SSTR4: variants seen among roughly 807,000 people sequenced by gnomAD.
SSTR4 encodes the protein somatostatin receptor 4.
For synonymous variants in SSTR4, 272 were observed against 246.3 expected (o/e 1.10, Z -0.98); for missense variants, 649 against 540.6 (o/e 1.20, Z -1.99).
Position 23,036,925 on chromosome 20 carries a change from G to T in SSTR4, c.*275G>T, listed in dbSNP as rs1984346964. ...CCTGAACCTCTGGCTGTTCTTCAAG[G>T]GCTGGGAAGCAGGAGGTGGTGAGAA... On this transcript the variant is annotated 3_prime_UTR_variant, in exon 1 of 1. Coordinates refer to ENST00000255008, the MANE Select transcript of SSTR4 (RefSeq NM_001052.4). 1 of 422,034 alleles carries T rather than the reference G, an allele frequency of 2.4e-6. No individual in the cohort carries two copies. Among genetic ancestry groups the T allele is most frequent in the Non-Finnish European group, 4.2e-6 (1 of 239,696 alleles). The allele number at this position is 422,034 out of a possible 1,614,324, so 26.1% of individuals were successfully genotyped here. A position where few individuals can be genotyped will look rare whatever the true frequency, so the allele number is the denominator to read the frequency against.
In SSTR4 at chr20:23,035,318, G is replaced by A; in HGVS notation, c.-166G>A. The A allele has an allele frequency of 4.4e-6, 2 of 453,186 alleles. No individual in the cohort carries two copies. The highest frequency in any genetic ancestry group is 6.7e-6 in the Non-Finnish European group (2 of 297,912). The allele number at this position is 453,186 out of a possible 1,614,324, so 28.1% of individuals were successfully genotyped here. A position where few individuals can be genotyped will look rare whatever the true frequency, so the allele number is the denominator to read the frequency against. On this transcript the variant is annotated 5_prime_UTR_variant, in exon 1 of 1. Transcript: ENST00000255008. Reference sequence around the variant, plus strand: ...GTCGGGCGCCCGCGCGGTGGGGCGCGCGGCGCGGGGATTGGCGGGCGCTCC... The same window carrying A: ...GTCGGGCGCCCGCGCGGTGGGGCGCACGGCGCGGGGATTGGCGGGCGCTCC...
Position 23,036,508 on chromosome 20 carries a change from A to G in SSTR4, c.1025A>G (p.Glu342Gly), listed in dbSNP as rs750517690. The change falls in exon 1 of 1, where the codon GAG becomes GGG. Residue 342 changes from glutamate (E) to glycine (G), a missense_variant. Transcript: ENST00000255008. ...GAAGGTGCTGGAGGTGCTGAGGAGG[A>G]GCCCCTGGACTACTATGCCACTGCT... ...LLEGAGGAEE[E>G]PLDYYATALK... 23 of 1,613,686 alleles carry G rather than the reference A, an allele frequency of 1.4e-5. No individual in the cohort carries two copies. The highest frequency in any genetic ancestry group is 1.7e-4 in the Middle Eastern group (1 of 6,060).
Position 23,036,276 on chromosome 20 carries a change from G to T in SSTR4, c.793G>T (p.Val265Leu). ...AATCACCAGGCTGGTGCTGATGGTC[G>T]TGGTCGTCTTTGTGCTCTGCTGGAT... ...KKITRLVLMV[V>L]VVFVLCWMPF... The change falls in exon 1 of 1, where the codon GTG becomes TTG. Residue 265 changes from valine to leucine, a missense_variant. Coordinates refer to ENST00000255008, the MANE Select transcript of SSTR4 (RefSeq NM_001052.4). The T allele has an allele frequency of 6.2e-7, 1 of 1,614,168 alleles. No homozygotes were observed. The highest frequency in any genetic ancestry group is 8.5e-7 in the Non-Finnish European group (1 of 1,180,028).
In SSTR4 at chr20:23,035,843, C is replaced by A; in HGVS notation, c.360C>A (p.Arg120=). The change falls in exon 1 of 1, where the codon CGC becomes CGA. Residue 120 remains arginine, a synonymous_variant. Transcript: ENST00000255008. ...RHWPFGSVLC[R]AVLSVDGLNM... is the part of the protein sequence containing the mutation. ...GGCCCTTCGGCTCCGTGCTGTGCCG[C>A]GCGGTGCTCAGCGTCGACGGCCTCA... 6.2e-7 allele frequency: 1 copy of A among 1,601,718 alleles called. No individual in the cohort carries two copies. The highest frequency in any genetic ancestry group is 8.5e-7 in the Non-Finnish European group (1 of 1,174,150).
At position 23,035,652 on chromosome 20, in the gene SSTR4, G is replaced by A. The variant is rs772783799; in HGVS notation, c.169G>A (p.Val57Met). Reference sequence around the variant, plus strand: ...CGCTATCCAGTGCATCTACGCGCTGGTGTGCCTGGTGGGGCTGGTGGGCAA... The same window carrying A: ...CGCTATCCAGTGCATCTACGCGCTGATGTGCCTGGTGGGGCTGGTGGGCAA... Reference protein sequence around the residue: ...MVAIQCIYALVCLVGLVGNAL... With the variant: ...MVAIQCIYALMCLVGLVGNAL... The change falls in exon 1 of 1, where the codon GTG (valine) becomes ATG (methionine). Residue 57 changes from valine to methionine, a missense_variant. Val to Met is a conservative substitution (Grantham distance 21, BLOSUM62 1). Transcript: ENST00000255008. 2 of 1,540,578 alleles carry A rather than the reference G, an allele frequency of 1.3e-6. No individual in the cohort carries two copies. Among genetic ancestry groups the A allele is most frequent in the African/African-American group, 1.4e-5 (1 of 72,486 alleles).
rs1984375851 is a variant in SSTR4, at chr20:23,038,094, C to G, written c.*1444C>G. 6.6e-6 allele frequency: 1 copy of G among 152,216 alleles called. No homozygotes were observed. The highest frequency in any genetic ancestry group is 2.4e-5 in the African/African-American group (1 of 41,446). The allele number at this position is 152,216 out of a possible 1,614,324, so 9.4% of individuals were successfully genotyped here. A position where few individuals can be genotyped will look rare whatever the true frequency, so the allele number is the denominator to read the frequency against. On this transcript the variant is annotated 3_prime_UTR_variant, in exon 1 of 1. Coordinates refer to ENST00000255008, the MANE Select transcript of SSTR4 (RefSeq NM_001052.4). Reference sequence around the variant, plus strand: ...ACATGCACACACACAGAGACATCAACCATCTCTAATTTGTTGGCACCCACC... The same window carrying G: ...ACATGCACACACACAGAGACATCAAGCATCTCTAATTTGTTGGCACCCACC...
In SSTR4 at chr20:23,037,162, C is replaced by T. The variant is rs1984353579; in HGVS notation, c.*512C>T. On this transcript the variant is annotated 3_prime_UTR_variant, in exon 1 of 1. Transcript: ENST00000255008. ...TGTTAAGTGAGACTTATGTTAACAGCCTGGGGCACTTACTTCCCTCCCCAC... is the reference window on the plus strand; with the variant it reads ...TGTTAAGTGAGACTTATGTTAACAGTCTGGGGCACTTACTTCCCTCCCCAC... The T allele has an allele frequency of 6.5e-6, 1 of 154,322 alleles. No homozygotes were observed. The highest frequency in any genetic ancestry group is 1.4e-5 in the Non-Finnish European group (1 of 69,696). The allele number at this position is 154,322 out of a possible 1,614,324, so 9.6% of individuals were successfully genotyped here. A position where few individuals can be genotyped will look rare whatever the true frequency, so the allele number is the denominator to read the frequency against.
chr20:23,036,743 C>A lies in SSTR4; in HGVS notation c.*93C>A. ...AAGACTGCATCTCCTGAATGCTCACCTAAGCTCCACCACCTGTTCCTTCCA... is the reference window on the plus strand; with the variant it reads ...AAGACTGCATCTCCTGAATGCTCACATAAGCTCCACCACCTGTTCCTTCCA... On this transcript the variant is annotated 3_prime_UTR_variant, in exon 1 of 1. Coordinates refer to ENST00000255008, the MANE Select transcript of SSTR4 (RefSeq NM_001052.4). 1 of 1,382,728 alleles carries A rather than the reference C, an allele frequency of 7.2e-7. No individual in the cohort carries two copies. The highest frequency in any genetic ancestry group is 9.8e-7 in the Non-Finnish European group (1 of 1,017,586). 85.7% of individuals were successfully genotyped at this position (1,382,728 alleles called of 1,614,324 possible).
At position 23,036,490 on chromosome 20, in the gene SSTR4, C is replaced by G; in HGVS notation, c.1007C>G (p.Ala336Gly). The change falls in exon 1 of 1, where the codon GCT becomes GGT. Residue 336 changes from alanine (A) to glycine (G), a missense_variant. Ala to Gly is a moderately conservative substitution (Grantham distance 60, BLOSUM62 0). Coordinates refer to ENST00000255008, the MANE Select transcript of SSTR4 (RefSeq NM_001052.4). Reference protein sequence around the residue: ...LCLRCCLLEGAGGAEEEPLDY... With the variant: ...LCLRCCLLEGGGGAEEEPLDY... ...CTGCGCTGCTGCCTCCTGGAAGGTGCTGGAGGTGCTGAGGAGGAGCCCCTG... is the reference window on the plus strand; with the variant it reads ...CTGCGCTGCTGCCTCCTGGAAGGTGGTGGAGGTGCTGAGGAGGAGCCCCTG... The G allele has an allele frequency of 1.2e-6, 2 of 1,613,814 alleles. No homozygotes were observed. The highest frequency in any genetic ancestry group is 1.7e-6 in the Non-Finnish European group (2 of 1,179,832).
At position 23,035,399 on chromosome 20, in the gene SSTR4, C is replaced by A; in HGVS notation, c.-85C>A. Reference sequence around the variant, plus strand: ...GAAGAGCCGCGCGTCTGCGCGCCAGCCCCCGCCCTGGGCCCGCCGCCCGAG... The same window carrying A: ...GAAGAGCCGCGCGTCTGCGCGCCAGACCCCGCCCTGGGCCCGCCGCCCGAG... On this transcript the variant is annotated 5_prime_UTR_variant, in exon 1 of 1. Coordinates refer to ENST00000255008, the MANE Select transcript of SSTR4 (RefSeq NM_001052.4). 1 of 1,052,332 alleles carries A rather than the reference C, an allele frequency of 9.5e-7. No homozygotes were observed. Among genetic ancestry groups the A allele is most frequent in the Non-Finnish European group, 1.2e-6 (1 of 826,306 alleles). 65.2% of individuals were successfully genotyped at this position (1,052,332 alleles called of 1,614,324 possible).
Position 23,035,493 on chromosome 20 carries a change from C to G in SSTR4, c.10C>G (p.Pro4Ala). Reference sequence around the variant, plus strand: ...GCCGGCACCCCTGGTCATGAGCGCCCCCTCGACGCTGCCCCCCGGGGGCGA... The same window carrying G: ...GCCGGCACCCCTGGTCATGAGCGCCGCCTCGACGCTGCCCCCCGGGGGCGA... MSA[P>A]STLPPGGEEG... Residue 4 changes from proline (P) to alanine (A), a missense_variant, in exon 1 of 1, where the codon CCC becomes GCC. By Grantham distance (27) the Pro-to-Ala change is conservative. Transcript: ENST00000255008. 1 of 1,540,630 alleles carries G rather than the reference C, an allele frequency of 6.5e-7. No individual in the cohort carries two copies. Among genetic ancestry groups the G allele is most frequent in the Non-Finnish European group, 8.7e-7 (1 of 1,151,418 alleles).
chr20:23,037,881 G>A lies in SSTR4; in HGVS notation c.*1231G>A, dbSNP rs1471966933. Among the ~76,000 whole-genome samples the A allele has an allele frequency of 1.3e-5, 2 of 152,156 alleles. No homozygotes were observed. On this transcript the variant is annotated 3_prime_UTR_variant, in exon 1 of 1. Transcript: ENST00000255008. ...CTGATTCTGGATGATCATTCTGGTG[G>A]TATGGGGAAGATGGTGTGGGGAGGG...
chr20:23,036,644 C>G lies in SSTR4; in HGVS notation c.1161C>G (p.Thr387=). Residue 387 remains threonine, a synonymous_variant, in exon 1 of 1, where the codon ACC becomes ACG. Transcript: ENST00000255008. ...GCATCCCCCTCACCAGGACCACCACCTTCTGAGGAGCCCTTCCCCTACCCA... is the reference window on the plus strand; with the variant it reads ...GCATCCCCCTCACCAGGACCACCACGTTCTGAGGAGCCCTTCCCCTACCCA... ...RKRIPLTRTT[T]F is the part of the protein sequence containing the mutation. 1 of 1,541,096 alleles carries G rather than the reference C, an allele frequency of 6.5e-7. No homozygotes were observed. Among genetic ancestry groups the G allele is most frequent in the Non-Finnish European group, 8.7e-7 (1 of 1,145,320 alleles).
At position 23,036,546 on chromosome 20, in the gene SSTR4, G is replaced by A. The variant is rs149230211; in HGVS notation, c.1063G>A (p.Gly355Ser). The change falls in exon 1 of 1, where the codon GGT (glycine) becomes AGT (serine). Residue 355 changes from glycine (G) to serine (S), a missense_variant. Transcript: ENST00000255008. The stretch of plus-strand genomic sequence containing the variant: ...CTATGCCACTGCTCTCAAGAGCAAA[G>A]GTGGGGCAGGGTGCATGTGCCCCCC... ...DYYATALKSK[G>S]GAGCMCPPLP... The A allele has an allele frequency of 1.9e-6, 3 of 1,612,648 alleles. No homozygotes were observed. Among genetic ancestry groups the A allele is most frequent in the Non-Finnish European group, 2.5e-6 (3 of 1,179,530 alleles).
chr20:23,035,842 G>T lies in SSTR4; in HGVS notation c.359G>T (p.Arg120Leu), dbSNP rs753969264. The T allele has an allele frequency of 6.2e-7, 1 of 1,601,242 alleles. No individual in the cohort carries two copies. Among genetic ancestry groups the T allele is most frequent in the African/African-American group, 1.3e-5 (1 of 74,738 alleles). ...RHWPFGSVLC[R>L]AVLSVDGLNM... ...TGGCCCTTCGGCTCCGTGCTGTGCC[G>T]CGCGGTGCTCAGCGTCGACGGCCTC... Residue 120 changes from arginine to leucine, a missense_variant, in exon 1 of 1, where the codon CGC (arginine) becomes CTC (leucine). Transcript: ENST00000255008.
In SSTR4 at chr20:23,035,588, G is replaced by T; in HGVS notation, c.105G>T (p.Ala35=). 6.4e-7 allele frequency: 1 copy of T among 1,569,218 alleles called. No homozygotes were observed. Among genetic ancestry groups the T allele is most frequent in the Non-Finnish European group, 8.6e-7 (1 of 1,161,056 alleles). The change falls in exon 1 of 1, where the codon GCG becomes GCT. Residue 35 remains alanine (A), a synonymous_variant. Coordinates refer to ENST00000255008, the MANE Select transcript of SSTR4 (RefSeq NM_001052.4). ...ASSAPAEAEE[A]VAGPGDARAA... The stretch of plus-strand genomic sequence containing the variant: ...GCGCTCCGGCGGAGGCGGAGGAGGC[G>T]GTGGCGGGGCCCGGGGACGCGCGGG...
Position 23,036,941 on chromosome 20 carries a change from G to A in SSTR4, c.*291G>A, listed in dbSNP as rs1287291348. On this transcript the variant is annotated 3_prime_UTR_variant, in exon 1 of 1. Transcript: ENST00000255008. ...TTCTTCAAGGGCTGGGAAGCAGGAG[G>A]TGGTGAGAAATGAATGGTCCCTGTG... 2.4e-6 allele frequency: 1 copy of A among 411,010 alleles called. No individual in the cohort carries two copies. Among genetic ancestry groups the A allele is most frequent in the Admixed American group, 4.0e-5 (1 of 25,192 alleles). The allele number at this position is 411,010 out of a possible 1,614,324, so 25.5% of individuals were successfully genotyped here.
rs758317219 is a variant in SSTR4, at chr20:23,035,569, C to CGGCGGA, written c.95_100dup (p.Ala32_Glu33dup). ...TCTGCAGCCAATGCCAGTAGCGCTCCGGCGGAGGCGGAGGAGGCGGTGGCG... is the reference window on the plus strand; with the variant it reads ...TCTGCAGCCAATGCCAGTAGCGCTCCGGCGGAGGCGGAGGCGGAGGAGGCGGTGGCG... On this transcript the variant is annotated inframe_insertion, in exon 1 of 1. Coordinates refer to ENST00000255008, the MANE Select transcript of SSTR4 (RefSeq NM_001052.4). 1.9e-6 allele frequency: 3 copies of CGGCGGA among 1,584,814 alleles called. No individual in the cohort carries two copies. Among genetic ancestry groups the CGGCGGA allele is most frequent in the South Asian group, 1.1e-5 (1 of 87,672 alleles).
rs1984381443 is a variant in SSTR4, at chr20:23,038,305, G to A, written c.*1655G>A. On this transcript the variant is annotated 3_prime_UTR_variant, in exon 1 of 1. Transcript: ENST00000255008. The stretch of plus-strand genomic sequence containing the variant: ...GGACCACCCAGGTTGATAGTAGTGA[G>A]GTGAGGGGTTCACAGCACTGGCAGT... 6.6e-6 allele frequency: 1 copy of A among 152,208 alleles called. No homozygotes were observed. The highest frequency in any genetic ancestry group is 6.5e-5 in the Admixed American group (1 of 15,290). 9.4% of individuals were successfully genotyped at this position (152,208 alleles called of 1,614,324 possible).
Sources: allele counts gnomAD v4.1 joint callset (sites outside exome capture counted in the v4.1 genomes callset), GRCh38; gene constraint gnomAD v4.1.1; transcripts MANE v1.5; gene names NCBI Gene and HGNC (gene_info 2026-07-23, HGNC 2026-07-21).